The following CRKL variants were observed in gnomAD, a reference collection of about 807,000 sequenced individuals.
CRKL encodes the protein CRK like proto-oncogene, adaptor protein, also known as crk-like protein.
Under a neutral mutation model 23.0 loss-of-function variants are expected in CRKL, and 3 were observed. The observed-to-expected ratio is 0.13, with a 90% CI of 0.06 to 0.34. The LOEUF (loss-of-function observed/expected upper bound fraction) is 0.34, where lower values mean the gene tolerates loss of function less well. Ranked by LOEUF, CRKL falls within the 10% of genes least tolerant of loss-of-function variation. The pLI, the probability that CRKL is intolerant of heterozygous loss-of-function variation, is 1.00. For missense variants in CRKL, 256 were observed against 394.5 expected, an observed-to-expected ratio of 0.65 and a Z score of 2.97; for synonymous variants, 188 against 160.7, an observed-to-expected ratio of 1.17 and a Z score of -1.28.
At chr22:20,924,379 G>A (rs1025648402) in intron 1 of CRKL, among the ~76,000 whole-genome samples, 3 of 152,182 alleles carry the variant, frequency 2.0e-5, no homozygotes, top group African/African-American at 7.2e-5. Context: ...AAGCATGGTT[G>A]TGCCTCCTCT....
In CRKL at chr22:20,918,228, C is replaced by T. The variant is rs1193404365; in HGVS notation, c.294C>T (p.Leu98=). 21 of 1,613,804 alleles carry T rather than the reference C, an allele frequency of 1.3e-5. No individual in the cohort carries two copies. In the Admixed American group the frequency reaches 3.5e-4, roughly 27 times the overall value. Residue 98 remains leucine (L), a synonymous_variant, in exon 1 of 3, where the codon CTC becomes CTT. Coordinates refer to ENST00000354336, the MANE Select transcript of CRKL (RefSeq NM_005207.4). The part of the protein sequence containing the change: ...YKIHYLDTTT[L]IEPAPRYPSP... ...TCCACTACCTGGACACCACCACCCT[C>T]ATCGAGCCTGCGCCCAGGTACGCGA... is the stretch of plus-strand genomic sequence containing the variant.
rs1922199034 is a variant in CRKL at position 20,949,813 on chromosome 22, T to A, written c.880T>A (p.Phe294Ile). The change falls in exon 3 of 3, where the codon TTT (phenylalanine) becomes ATT (isoleucine). Residue 294 changes from phenylalanine (F) to isoleucine (I), a missense_variant. Physicochemically the swap from Phe to Ile is conservative, Grantham distance 21. This residue lies in a region of CRKL where 129 missense variants were observed against 222.1 expected (regional missense o/e 0.58). Coordinates refer to ENST00000354336, the MANE Select transcript of CRKL (RefSeq NM_005207.4). ...GLFPFTHVKI[F>I]DPQNPDENE ...TTTCCCCTTTACGCACGTCAAAATC[T>A]TTGACCCTCAAAACCCAGATGAAAA... 1 of 1,610,220 alleles carries A rather than the reference T, an allele frequency of 6.2e-7. No individual in the cohort carries two copies. The highest frequency in any genetic ancestry group is 1.3e-5 in the African/African-American group (1 of 74,810).
At chr22:20,918,298 G>T (rs1217439153) in intron 1 of CRKL, 53 bp downstream of exon 1, 1 of 1,581,300 alleles carries the variant, frequency 6.3e-7, no homozygotes, top group Non-Finnish European at 8.6e-7. Context: ...CGGGTCTGTC[G>T]AAGAGTGCTT....
chr22:20,929,400 C>T (rs567330088), intron 1 of CRKL, among the ~76,000 whole-genome samples: 1 of 152,204 alleles, frequency 6.6e-6, no homozygotes, highest in South Asian at 2.1e-4. Flanking sequence ...CTCCTGACCT[C>T]TTGATCCGCC....
At chr22:20,925,421 C>A (rs529499573) in intron 1 of CRKL, among the ~76,000 whole-genome samples, 1 of 151,182 alleles carries the variant, frequency 6.6e-6, no homozygotes, top group Admixed American at 6.6e-5. Flanking sequence ...GTCGGGAGTT[C>A]GAGACTGAAC....
At chr22:20,927,128 A>AAAAAAAAAAAAAAAAAAAAAAG (rs1555918902) in intron 1 of CRKL, among the ~76,000 whole-genome samples, 54 of 125,808 alleles carry the variant, frequency 4.3e-4, no homozygotes, top group East Asian at 2.2e-3. Context: ...AAAAAAAAAA[A>AAAAAAAAAAAAAAAAAAAAAAG]AAAAAAAAGA....
chr22:20,936,526 T>G (rs1344125951), intron 2 of CRKL, among the ~76,000 whole-genome samples: 1 of 152,078 alleles, frequency 6.6e-6, no homozygotes, highest in Non-Finnish European at 1.5e-5. Context: ...TTTTTTTGTA[T>G]TTTTAATAGA....
rs960208034 is a variant in CRKL at position 20,949,581 on chromosome 22, A to T, written c.778-130A>T. 3.2e-6 allele frequency: 4 copies of T among 1,257,446 alleles called. No homozygotes were observed. In the African/African-American group the frequency reaches 6.1e-5, roughly 19 times the overall value. The allele number at this position is 1,257,446 out of a possible 1,614,324, so 77.9% of individuals were successfully genotyped here. A position where few individuals can be genotyped will look rare whatever the true frequency, so the allele number is the denominator to read the frequency against. ...CTCACCACTACACTCCAGCATGGCT[A>T]ACAGAGTGAGACCCTGTGTCTAAAT... is the stretch of plus-strand genomic sequence containing the variant. On this transcript the variant is annotated intron_variant, in intron 2 of 2. Coordinates refer to ENST00000354336, the MANE Select transcript of CRKL (RefSeq NM_005207.4).
intron 1 of CRKL, among the ~76,000 whole-genome samples, chr22:20,922,394 T>C (rs1249496385): frequency 6.6e-6 from 1 of 151,934 alleles, no homozygotes; most frequent in African/African-American, 2.4e-5. Flanking sequence ...GGTCAGGAAT[T>C]GGGTTTTTAT....
At chr22:20,922,291 G>C (rs910882917) in intron 1 of CRKL, among the ~76,000 whole-genome samples, 2 of 152,030 alleles carry the variant, frequency 1.3e-5, no homozygotes, top group African/African-American at 4.8e-5. Flanking sequence ...AAAGTGCTGG[G>C]ATTACAGATG....
At position 20,934,116 on chromosome 22, in the gene CRKL, C is replaced by T. The variant is rs764823179; in HGVS notation, c.649C>T (p.Pro217Ser). 1 of 1,614,200 alleles carries T rather than the reference C, an allele frequency of 6.2e-7. No individual in the cohort carries two copies. The highest frequency in any genetic ancestry group is 1.1e-5 in the South Asian group (1 of 91,084). The change falls in exon 2 of 3, where the codon CCT (proline) becomes TCT (serine). Residue 217 changes from proline to serine, a missense_variant. By Grantham distance (74) the Pro-to-Ser change is moderately conservative (BLOSUM62 -1). Coordinates refer to ENST00000354336, the MANE Select transcript of CRKL (RefSeq NM_005207.4). ...YAQPQTTTPLPAVSGSPGAAI... is the reference protein window; with the variant it reads ...YAQPQTTTPLSAVSGSPGAAI... ...TCAACCTCAGACCACAACTCCTCTACCTGCAGTTTCCGGTTCTCCTGGGGC... is the reference window on the plus strand; with the variant it reads ...TCAACCTCAGACCACAACTCCTCTATCTGCAGTTTCCGGTTCTCCTGGGGC...
intron 1 of CRKL, among the ~76,000 whole-genome samples, chr22:20,927,111 C>CAAAAAAAAAAAAAAAAAAAAAAAA (rs371278201): frequency 1.0e-3 from 49 of 48,516 alleles, no homozygotes; most frequent in Admixed American, 2.2e-3. Context: ...GACTCCGTCT[C>CAAAAAAAAAAAAAAAAAAAAAAAA]AAAAAAAAAA....
Position 20,952,088 on chromosome 22 carries a change from G to T in CRKL, c.*2243G>T, listed in dbSNP as rs746519194. ...AGTGACGTGGTTCATCCCGGCCCATGTTGAGCCATGAGTGGAGTTTCCAAC... is the reference window on the plus strand; with the variant it reads ...AGTGACGTGGTTCATCCCGGCCCATTTTGAGCCATGAGTGGAGTTTCCAAC... On this transcript the variant is annotated 3_prime_UTR_variant, in exon 3 of 3. Transcript: ENST00000354336. 8.8e-6 allele frequency: 2 copies of T among 227,704 alleles called. No homozygotes were observed. The highest frequency in any genetic ancestry group is 1.7e-5 in the Non-Finnish European group (2 of 114,650). The allele number at this position is 227,704 out of a possible 1,614,324, so 14.1% of individuals were successfully genotyped here. A position where few individuals can be genotyped will look rare whatever the true frequency, so the allele number is the denominator to read the frequency against.
At chr22:20,925,908 G>T (rs995170553) in intron 1 of CRKL, among the ~76,000 whole-genome samples, 1 of 152,188 alleles carries the variant, frequency 6.6e-6, no homozygotes, top group African/African-American at 2.4e-5. Flanking sequence ...CTAGACTCTT[G>T]GAATCTAATG....
intron 1 of CRKL, among the ~76,000 whole-genome samples, chr22:20,927,139 A>AAAAAAAAAAG (rs1337708838): frequency 1.4e-5 from 2 of 139,850 alleles, no homozygotes; most frequent in African/African-American, 5.3e-5. Flanking sequence ...AAAAAAAAGA[A>AAAAAAAAAAG]TGGTGGTTAA....
chr22:20,952,367 C>T lies in CRKL; in HGVS notation c.*2522C>T, dbSNP rs1922310633. On this transcript the variant is annotated 3_prime_UTR_variant, in exon 3 of 3. Coordinates refer to ENST00000354336, the MANE Select transcript of CRKL (RefSeq NM_005207.4). ...GGTTTGGTTTTATAATTAATCAGCT[C>T]GTTACTTCAGCCCATGAAAATGGCA... 1 of 229,286 alleles carries T rather than the reference C, an allele frequency of 4.4e-6. No homozygotes were observed. The highest frequency in any genetic ancestry group is 1.8e-4 in the South Asian group (1 of 5,448). 14.2% of individuals were successfully genotyped at this position (229,286 alleles called of 1,614,324 possible).
intron 2 of CRKL, among the ~76,000 whole-genome samples, chr22:20,940,961 A>G (rs993572941): frequency 6.6e-6 from 1 of 152,038 alleles, no homozygotes; most frequent in Non-Finnish European, 1.5e-5. Context: ...TTTCATTAAT[A>G]CTGATTGGAC....
Position 20,922,318 on chromosome 22 carries a change from G to A in CRKL, c.311+4073G>A, listed in dbSNP as rs113438940. Among the ~76,000 whole-genome samples, 379 of 152,144 alleles carry A rather than the reference G, an allele frequency of 2.5e-3. 1 individual carries two copies. Among genetic ancestry groups the A allele is most frequent in the Middle Eastern group, 0.017 (5 of 294 alleles). On this transcript the variant is annotated intron_variant, in intron 1 of 2. Coordinates refer to ENST00000354336, the MANE Select transcript of CRKL (RefSeq NM_005207.4). ...TTACAGATGTGAGCCACCCTCTCCG[G>A]CCTGGGAGTGTGTTTCTTAAAGGAG...
At chr22:20,946,531 C>T (rs1271685355) in intron 2 of CRKL, among the ~76,000 whole-genome samples, 3 of 152,058 alleles carry the variant, frequency 2.0e-5, no homozygotes, top group African/African-American at 7.2e-5. Flanking sequence ...AAGGATGATG[C>T]ATTAGGTATG....
Sources: gnomAD v4.1 joint callset for allele counts (sites outside exome capture counted in the v4.1 genomes callset) on GRCh38, gnomAD v4.1.1 for gene constraint, gnomAD v4.1.1 regional missense constraint, MANE v1.5 for transcripts, NCBI Gene and HGNC (gene_info 2026-07-23, HGNC 2026-07-21) for gene names.